The following ELAVL3 variants were observed in gnomAD, a reference collection of about 807,000 sequenced individuals.
The protein encoded by ELAVL3 is ELAV-like protein 3.
ELAVL3 carries 8 observed loss-of-function variants against 34.2 expected under a neutral mutation model. That is an observed-to-expected ratio of 0.23 (90% CI 0.14 to 0.42). The LOEUF (loss-of-function observed/expected upper bound fraction) is 0.42, where lower values mean the gene tolerates loss of function less well. Among genes scored for constraint, ELAVL3 ranks in the 10% least tolerant of loss-of-function variants. ELAVL3 has a pLI of 1.00. For missense variants in ELAVL3, 273 were observed against 518.8 expected (o/e 0.53, Z 4.60); for synonymous variants, 209 against 222.1 (o/e 0.94, Z 0.53).
chr19:11,462,853 A>C (rs892299907), intron 3 of ELAVL3, among the ~76,000 whole-genome samples: 1 of 149,242 alleles, frequency 6.7e-6, no homozygotes, highest in Non-Finnish European at 1.5e-5. Flanking sequence ...TCCCAGCTAC[A>C]CGGGAGGCTG....
chr19:11,464,749 C>T (rs1314184324), intron 3 of ELAVL3, among the ~76,000 whole-genome samples: 1 of 54,250 alleles, frequency 1.8e-5, no homozygotes, highest in African/African-American at 9.8e-5. Context: ...CACACATACA[C>T]CACACACACA....
intron 1 of ELAVL3, among the ~76,000 whole-genome samples, chr19:11,478,304 C>T (rs1477100359): frequency 1.3e-5 from 2 of 152,176 alleles, no homozygotes; most frequent in East Asian, 3.8e-4. Flanking sequence ...ATCTGGCCAC[C>T]ACCCGTTCTC....
At chr19:11,465,133 CACACAT>C (rs1251559075) in intron 3 of ELAVL3, among the ~76,000 whole-genome samples, 1 of 145,698 alleles carries the variant, frequency 6.9e-6, no homozygotes, top group Middle Eastern at 3.9e-3. Context: ...ATACACACCA[CACACAT>C]ACACATACAC....
intron 3 of ELAVL3, among the ~76,000 whole-genome samples, chr19:11,462,221 T>C (rs534522407): frequency 7.6e-6 from 1 of 130,948 alleles, no homozygotes; most frequent in South Asian, 2.5e-4. Flanking sequence ...ATGAACAAAA[T>C]AGATAAAGCA....
chr19:11,473,226 A>G (rs758734854), intron 1 of ELAVL3, among the ~76,000 whole-genome samples: 3 of 150,840 alleles, frequency 2.0e-5, no homozygotes, highest in South Asian at 2.1e-4. Flanking sequence ...TTAGCCGGGC[A>G]TGGTGGCGGG....
chr19:11,480,739 G>A lies in ELAVL3; in HGVS notation c.-131C>T, dbSNP rs1161318690. The stretch of plus-strand genomic sequence containing the variant: ...CTGGTGCGGCCGCTGCAGATGTGGC[G>A]ATGAAGGCGGCGGCTCCCTCGAGGG... On this transcript the variant is annotated 5_prime_UTR_variant, in exon 1 of 7. Coordinates refer to ENST00000359227, the MANE Select transcript of ELAVL3 (RefSeq NM_001420.4). The surrounding 1 kb of genome is among the most constrained non-coding windows in gnomAD (Gnocchi z 6.8). The A allele has an allele frequency of 3.4e-6, 3 of 883,606 alleles. No individual in the cohort carries two copies. The highest frequency in any genetic ancestry group is 3.8e-4 in the Middle Eastern group (1 of 2,618). 54.7% of individuals were successfully genotyped at this position (883,606 alleles called of 1,614,324 possible).
intron 3 of ELAVL3, among the ~76,000 whole-genome samples, chr19:11,462,954 TCC>T (rs1224241486): frequency 7.7e-6 from 1 of 129,906 alleles, no homozygotes; most frequent in African/African-American, 3.2e-5. Flanking sequence ...AGAGTGAGAC[TCC>T]GTCTCAAAAA....
intron 1 of ELAVL3, among the ~76,000 whole-genome samples, chr19:11,475,613 T>C (rs1001261197): frequency 8.7e-6 from 1 of 115,414 alleles, no homozygotes; most frequent in African/African-American, 4.5e-5. Flanking sequence ...CACCATCTAC[T>C]TTTTTTTTTT....
At chr19:11,463,926 G>A (rs371630927) in intron 3 of ELAVL3, among the ~76,000 whole-genome samples, 2 of 150,856 alleles carry the variant, frequency 1.3e-5, no homozygotes, top group East Asian at 3.9e-4. Flanking sequence ...CCGAGATCGC[G>A]CCATTGCAAT....
intron 5 of ELAVL3, among the ~76,000 whole-genome samples, chr19:11,457,628 C>A (rs1970797902): frequency 6.6e-6 from 1 of 152,168 alleles, no homozygotes; most frequent in Non-Finnish European, 1.5e-5. Context: ...CCAGGCAAAC[C>A]CCAACACCTC....
At position 11,453,790 on chromosome 19, in the gene ELAVL3, C is replaced by G. The variant is rs776767853; in HGVS notation, c.*736G>C. ...TAAGCCCTGCTCCCTGGGCCCCCCCCACCCCCGCCCCAGTTGGTAAACATA... is the reference window on the plus strand; with the variant it reads ...TAAGCCCTGCTCCCTGGGCCCCCCCGACCCCCGCCCCAGTTGGTAAACATA... On this transcript the variant is annotated 3_prime_UTR_variant, in exon 7 of 7. Coordinates refer to ENST00000359227, the MANE Select transcript of ELAVL3 (RefSeq NM_001420.4). 5 of 150,236 alleles carry G rather than the reference C, an allele frequency of 3.3e-5. No individual in the cohort carries two copies. Among genetic ancestry groups the G allele is most frequent in the Admixed American group, 1.3e-4 (2 of 15,112 alleles). 9.3% of individuals were successfully genotyped at this position (150,236 alleles called of 1,614,324 possible).
At position 11,453,721 on chromosome 19, in the gene ELAVL3, C is replaced by A. The variant is rs1180026864; in HGVS notation, c.*805G>T. On this transcript the variant is annotated 3_prime_UTR_variant, in exon 7 of 7. Transcript: ENST00000359227. ...CCGTGTGTCCCCGTGGTGTGACTGTCTGCGTGGTTGTTTCTCTGTGTGGCC... is the reference window on the plus strand; with the variant it reads ...CCGTGTGTCCCCGTGGTGTGACTGTATGCGTGGTTGTTTCTCTGTGTGGCC... 1 of 153,060 alleles carries A rather than the reference C, an allele frequency of 6.5e-6. No individual in the cohort carries two copies. The highest frequency in any genetic ancestry group is 1.5e-5 in the Non-Finnish European group (1 of 68,192). 9.5% of individuals were successfully genotyped at this position (153,060 alleles called of 1,614,324 possible). A position where few individuals can be genotyped will look rare whatever the true frequency, so the allele number is the denominator to read the frequency against.
At position 11,458,765 on chromosome 19, in the gene ELAVL3, G is replaced by A. The variant is rs577137066; in HGVS notation, c.334-154C>T. On this transcript the variant is annotated intron_variant, in intron 3 of 6. Coordinates refer to ENST00000359227, the MANE Select transcript of ELAVL3 (RefSeq NM_001420.4). This position sits in a 1 kb window ranked among gnomAD's most constrained non-coding sequence, Gnocchi z 7.3. The stretch of plus-strand genomic sequence containing the variant: ...AGAGTTGTCACCGTGGGGTGGGGCT[G>A]AGTCAGATATGGGAGAGGGGACATG... Among the ~76,000 whole-genome samples the A allele has an allele frequency of 6.6e-6, 1 of 152,230 alleles. No homozygotes were observed. The highest frequency in any genetic ancestry group is 2.1e-4 in the South Asian group (1 of 4,824).
intron 3 of ELAVL3, among the ~76,000 whole-genome samples, chr19:11,459,554 A>G (rs1599531932): frequency 6.7e-6 from 1 of 150,348 alleles, no homozygotes; most frequent in Non-Finnish European, 1.5e-5. Context: ...GGTGTGAGCC[A>G]CCTCCCCCGG....
intron 1 of ELAVL3, among the ~76,000 whole-genome samples, chr19:11,472,498 C>T (rs1383937727): frequency 1.3e-5 from 2 of 151,846 alleles, no homozygotes; most frequent in Non-Finnish European, 1.5e-5. Flanking sequence ...CTCAGGAGTT[C>T]AAGCCCAGCC....
At position 11,458,657 on chromosome 19, in the gene ELAVL3, T is replaced by C. The variant is rs1482690266; in HGVS notation, c.334-46A>G. 1 of 1,606,314 alleles carries C rather than the reference T, an allele frequency of 6.2e-7. No homozygotes were observed. The highest frequency in any genetic ancestry group is 8.5e-7 in the Non-Finnish European group (1 of 1,177,256). ...GACAGGGGTGAGGCAGAGACCCATT[T>C]CACAGATGGAGAGAGTGAGGCCATG... On this transcript the variant is annotated intron_variant, in intron 3 of 6. Transcript: ENST00000359227. The surrounding 1 kb of genome is among the most constrained non-coding windows in gnomAD (Gnocchi z 7.3).
At position 11,462,590 on chromosome 19, in the gene ELAVL3, C is replaced by T. The variant is rs529010489; in HGVS notation, c.333+3582G>A. Among the ~76,000 whole-genome samples the T allele has an allele frequency of 6.0e-5, 9 of 150,686 alleles. No individual in the cohort carries two copies. In the East Asian group the frequency reaches 1.4e-3, roughly 23 times the overall value. ...AGGCGGAATTGCAGTGAGCCGAGAG[C>T]GCACCACTGTAATCCGGCCTGGGTA... On this transcript the variant is annotated intron_variant, in intron 3 of 6. Coordinates refer to ENST00000359227, the MANE Select transcript of ELAVL3 (RefSeq NM_001420.4).
chr19:11,464,167 A>ATATTTTTT (rs1319720810), intron 3 of ELAVL3, among the ~76,000 whole-genome samples: 18 of 103,842 alleles, frequency 1.7e-4, no homozygotes, highest in African/African-American at 7.4e-4. Flanking sequence ...ATATATATAT[A>ATATTTTTT]TTTTTTTTTT....
rs1971054019 is a variant in ELAVL3 at position 11,466,449 on chromosome 19, AG to A, written c.229+158del. 6.6e-6 allele frequency among the ~76,000 whole-genome samples: 1 copy of A among 150,834 alleles called. No individual in the cohort carries two copies. The highest frequency in any genetic ancestry group is 1.5e-5 in the Non-Finnish European group (1 of 67,634). ...TCCATCGCTCCTGAGACCTTCACCT[AG>A]GGGGTATACCCATCTCCCCATCAGA... is the stretch of plus-strand genomic sequence containing the variant. On this transcript the variant is annotated intron_variant, in intron 2 of 6. Transcript: ENST00000359227. This position sits in a 1 kb window ranked among gnomAD's most constrained non-coding sequence, Gnocchi z 5.0.
Sources: gnomAD v4.1 joint callset for allele counts (sites outside exome capture counted in the v4.1 genomes callset) on GRCh38, gnomAD v4.1.1 for gene constraint, Gnocchi (gnomAD v3.1) non-coding constraint, MANE v1.5 for transcripts, NCBI Gene and HGNC (gene_info 2026-07-23, HGNC 2026-07-21) for gene names.